Variants in RPTOR observed in about 807,000 individuals in gnomAD.
RPTOR encodes the protein regulatory associated protein of MTOR complex 1, also known as regulatory-associated protein of mTOR.
Under a neutral mutation model 169.9 loss-of-function variants are expected in RPTOR, and 21 were observed. The observed-to-expected ratio is 0.12, with a 90% CI of 0.09 to 0.18. RPTOR has a LOEUF of 0.18. Among genes scored for constraint, RPTOR ranks in the 10% least tolerant of loss-of-function variants. The pLI, the probability that RPTOR is intolerant of heterozygous loss-of-function variation, is 1.00. For synonymous variants in RPTOR, 732 were observed against 753.2 expected, an observed-to-expected ratio of 0.97 and a Z score of 0.46; for missense variants, 1,133 against 1,855.9, an observed-to-expected ratio of 0.61 and a Z score of 7.16.
chr17:80,602,945 GAAAGGA>G, intron 1 of RPTOR: 1 of 404,132 alleles, frequency 2.5e-6, no homozygotes. Flanking sequence ...GTCCAAGTTG[GAAAGGA>G]AAAGGACAGT....
chr17:80,920,569 C>T (rs2068732892), intron 21 of RPTOR, among the ~76,000 whole-genome samples: 1 of 152,268 alleles, frequency 6.6e-6, no homozygotes, highest in Admixed American at 6.5e-5. Context: ...GGGTTCGTCA[C>T]CACGGCTCCA....
At chr17:80,790,475 G>T (rs575281843) in intron 6 of RPTOR, among the ~76,000 whole-genome samples, 1 of 152,260 alleles carries the variant, frequency 6.6e-6, no homozygotes, top group Admixed American at 6.5e-5. Context: ...CCTGGTTCTG[G>T]ATCTCTCAGT....
intron 5 of RPTOR, among the ~76,000 whole-genome samples, chr17:80,735,983 G>C (rs2066430325): frequency 1.3e-5 from 2 of 152,096 alleles, no homozygotes; most frequent in Non-Finnish European, 2.9e-5. Context: ...ACCAGCCTGG[G>C]CAGCATAGCG....
chr17:80,612,515 T>G (rs920742603), intron 1 of RPTOR, among the ~76,000 whole-genome samples: 8 of 152,252 alleles, frequency 5.3e-5, no homozygotes, highest in Non-Finnish European at 1.0e-4. Flanking sequence ...CTGACTTGCT[T>G]AGCTTCCAGT....
At chr17:80,547,655 C>G (rs2084293331) in intron 1 of RPTOR, among the ~76,000 whole-genome samples, 1 of 152,172 alleles carries the variant, frequency 6.6e-6, no homozygotes, top group Admixed American at 6.5e-5. Flanking sequence ...CATCTCTTCC[C>G]TCTTCCAAAG....
intron 21 of RPTOR, among the ~76,000 whole-genome samples, chr17:80,914,364 C>T (rs910531583): frequency 6.6e-6 from 1 of 152,226 alleles, no homozygotes; most frequent in African/African-American, 2.4e-5. Context: ...AGGAACCCCA[C>T]CCTCCCAGGC....
intron 3 of RPTOR, among the ~76,000 whole-genome samples, chr17:80,672,335 C>T (rs561251721): frequency 1.3e-5 from 2 of 150,770 alleles, no homozygotes; most frequent in Admixed American, 6.6e-5. Flanking sequence ...GCCTCGGGCT[C>T]CTCCTATGTT....
At position 80,861,841 on chromosome 17, in the gene RPTOR, CAG is replaced by C. The variant is rs1158230013; in HGVS notation, c.1509+3942_1509+3943del. On this transcript the variant is annotated intron_variant, in intron 13 of 33. Transcript: ENST00000306801. The surrounding 1 kb of genome is among the most constrained non-coding windows in gnomAD (Gnocchi z 4.5). The stretch of plus-strand genomic sequence containing the variant: ...TTGATGATGTCTTTATTTTTAGTCT[CAG>C]GGGTGGCTCTTGGTGAAAGGGGACA... Among the ~76,000 whole-genome samples the C allele has an allele frequency of 6.6e-6, 1 of 152,152 alleles. No homozygotes were observed. The highest frequency in any genetic ancestry group is 1.9e-4 in the East Asian group (1 of 5,194).
chr17:80,958,203 C>A (rs4969233), intron 29 of RPTOR, among the ~76,000 whole-genome samples: 3 of 134,282 alleles, frequency 2.2e-5, no homozygotes, highest in Admixed American at 1.4e-4. Flanking sequence ...CCTCACCCCC[C>A]CCCCCCACCA....
At chr17:80,551,955 A>G (rs1237853495) in intron 1 of RPTOR, among the ~76,000 whole-genome samples, 1 of 152,202 alleles carries the variant, frequency 6.6e-6, no homozygotes, top group Non-Finnish European at 1.5e-5. Context: ...GCCTTCAAGC[A>G]TCTGTTTAAC....
intron 1 of RPTOR, among the ~76,000 whole-genome samples, chr17:80,555,586 C>A (rs1449050973): frequency 3.3e-5 from 5 of 152,198 alleles, no homozygotes; most frequent in Admixed American, 2.6e-4. Context: ...GACTGACAGA[C>A]ACGGTAGCAC....
chr17:80,663,044 A>G (rs923441110), intron 3 of RPTOR, among the ~76,000 whole-genome samples: 1 of 151,882 alleles, frequency 6.6e-6, no homozygotes, highest in African/African-American at 2.4e-5. Context: ...CTTATTTTTT[A>G]CCTTTTTCTA....
In RPTOR at chr17:80,960,037, G is replaced by A. The variant is rs4436840; in HGVS notation, c.3478-41G>A. 4.8e-3 allele frequency: 7,642 copies of A among 1,606,918 alleles called. 24 individuals carry two copies. Among genetic ancestry groups the A allele is most frequent in the Non-Finnish European group, 5.8e-3 (6,861 of 1,175,638 alleles). On this transcript the variant is annotated intron_variant, in intron 29 of 33. Transcript: ENST00000306801. The surrounding 1 kb of genome is among the most constrained non-coding windows in gnomAD (Gnocchi z 4.8). ...TGCAGGACAGCAGGGAGGGTGGCTC[G>A]GTGCCCCGGTCTTCACCGGGCTGCC...
Position 80,887,554 on chromosome 17 carries a change from A to G in RPTOR, c.1983+2406A>G, listed in dbSNP as rs189550449. Among the ~76,000 whole-genome samples, 238 of 152,256 alleles carry G rather than the reference A, an allele frequency of 1.6e-3. 2 individuals carry two copies. Among genetic ancestry groups the G allele is most frequent in the Admixed American group, 6.0e-3 (92 of 15,308 alleles). On this transcript the variant is annotated intron_variant, in intron 17 of 33. Transcript: ENST00000306801. Reference sequence around the variant, plus strand: ...AGCCTGGCGGCGTGGAGCCGGCCCCATTCTCGCAGCCTCTTCTCAAGGACC... The same window carrying G: ...AGCCTGGCGGCGTGGAGCCGGCCCCGTTCTCGCAGCCTCTTCTCAAGGACC...
At chr17:80,636,922 T>A (rs1478990834) in intron 2 of RPTOR, among the ~76,000 whole-genome samples, 1 of 152,218 alleles carries the variant, frequency 6.6e-6, no homozygotes, top group African/African-American at 2.4e-5. Context: ...GCATGTAGCC[T>A]TGCAGGACGG....
At chr17:80,903,619 A>G (rs917711374) in intron 20 of RPTOR, among the ~76,000 whole-genome samples, 1 of 152,210 alleles carries the variant, frequency 6.6e-6, no homozygotes, top group African/African-American at 2.4e-5. Flanking sequence ...CTTGGGCTCA[A>G]GCAATCCTCC....
At chr17:80,866,166 T>A (rs1445100594) in intron 13 of RPTOR, among the ~76,000 whole-genome samples, 1 of 149,044 alleles carries the variant, frequency 6.7e-6, no homozygotes, top group Non-Finnish European at 1.5e-5. Context: ...TTTATTACTA[T>A]AAGTATGTAT....
intron 13 of RPTOR, among the ~76,000 whole-genome samples, chr17:80,869,295 G>A (rs1001816549): frequency 1.3e-5 from 2 of 152,130 alleles, no homozygotes; most frequent in Admixed American, 1.3e-4. Context: ...GAGTAGCTAG[G>A]ACTACAGACG....
At chr17:80,955,556 A>G (rs2069237097) in intron 28 of RPTOR, among the ~76,000 whole-genome samples, 1 of 152,272 alleles carries the variant, frequency 6.6e-6, no homozygotes, top group Non-Finnish European at 1.5e-5. Flanking sequence ...TTGACTCTAC[A>G]GACTTCTTCA....
Sources: allele counts gnomAD v4.1 joint callset (sites outside exome capture counted in the v4.1 genomes callset), GRCh38; gene constraint gnomAD v4.1.1; non-coding constraint Gnocchi (gnomAD v3.1); transcripts MANE v1.5; gene names NCBI Gene and HGNC (gene_info 2026-07-23, HGNC 2026-07-21).